Variants in FAM114A2 observed in about 807,000 individuals in gnomAD.
The protein encoded by FAM114A2 is family with sequence similarity 114 member A2.
FAM114A2 carries 53 observed loss-of-function variants against 58.4 expected under a neutral mutation model. The ratio of observed to expected loss-of-function variants is 0.91; its 90% confidence interval spans 0.73 to 1.14. FAM114A2 has a LOEUF of 1.14. Ranked by LOEUF, FAM114A2 falls within the 50% of genes most tolerant of loss-of-function variation. The probability of loss-of-function intolerance (pLI) is 0.00; values close to 1 mark genes in which losing one functional copy is unlikely to be tolerated. For missense variants in FAM114A2, 601 were observed against 581.1 expected, an observed-to-expected ratio of 1.03 and a Z score of -0.35; for synonymous variants, 228 against 211.4, an observed-to-expected ratio of 1.08 and a Z score of -0.68.
Position 154,002,864 on chromosome 5 carries a change from T to G in FAM114A2, c.1099A>C (p.Asn367His). Reference sequence around the variant, plus strand: ...TTGGCTACCTCTATTGAATTTTTGTTGACTTGCTCAGTATTTTCTGCTTCC... The same window carrying G: ...TTGGCTACCTCTATTGAATTTTTGTGGACTTGCTCAGTATTTTCTGCTTCC... ...QSEAENTEQV[N>H]KNSIEDIHAF... The change falls in exon 10 of 14, where the codon AAC (asparagine) becomes CAC (histidine). Residue 367 changes from asparagine (N) to histidine (H), a missense_variant. Transcript: ENST00000351797. The G allele has an allele frequency of 6.2e-7, 1 of 1,614,146 alleles. No individual in the cohort carries two copies. The highest frequency in any genetic ancestry group is 8.5e-7 in the Non-Finnish European group (1 of 1,179,978).
At position 153,994,972 on chromosome 5, in the gene FAM114A2, C is replaced by T. The variant is rs750485494; in HGVS notation, c.1330G>A (p.Val444Ile). Reference protein sequence around the residue: ...EFTTCLTTAGVKEMADVLNPL... With the variant: ...EFTTCLTTAGIKEMADVLNPL... ...TTAAGGACATCTGCCATTTCTTTGA[C>T]CTGGAATAACGAATACATTTTTAAG... The change falls in exon 13 of 14, where the codon GTC (valine) becomes ATC (isoleucine). Residue 444 changes from valine (V) to isoleucine (I), a missense_variant and splice_region_variant. By Grantham distance (29) the Val-to-Ile change is conservative. Coordinates refer to ENST00000351797, the MANE Select transcript of FAM114A2 (RefSeq NM_018691.4). 8 of 1,604,154 alleles carry T rather than the reference C, an allele frequency of 5.0e-6. No homozygotes were observed. Among genetic ancestry groups the T allele is most frequent in the Non-Finnish European group, 4.3e-6 (5 of 1,171,334 alleles).
At chr5:153,995,332 A>G (rs6877776) in intron 12 of FAM114A2, 107,269 of 164,864 alleles carry the variant, frequency 0.65, 35,304 homozygotes, top group East Asian at 0.87. Context: ...GTTTAGAAAA[A>G]TCTTACAAAT....
intron 8 of FAM114A2, among the ~76,000 whole-genome samples, chr5:154,015,516 G>C (rs1454886818): frequency 6.6e-6 from 1 of 152,156 alleles, no homozygotes; most frequent in Non-Finnish European, 1.5e-5. Context: ...ATCCAGAAGA[G>C]AGATAACAAT....
At chr5:154,020,762 T>TA (rs1263503449) in intron 8 of FAM114A2, among the ~76,000 whole-genome samples, 1 of 151,848 alleles carries the variant, frequency 6.6e-6, no homozygotes, top group African/African-American at 2.4e-5. Flanking sequence ...CTCCAATCAA[T>TA]AAAAAAAGAA....
rs201690165 is a variant in FAM114A2 at position 154,033,900 on chromosome 5, C to CT, written c.311-18dup. ...TGCCTTGTCCTAATGAGAAAAATAA[C>CT]TTTTTTTTTTGCTATTTGTCACCAA... On this transcript the variant is annotated splice_polypyrimidine_tract_variant and intron_variant, in intron 3 of 13. Transcript: ENST00000351797. The CT allele has an allele frequency of 4.4e-3, 6,068 of 1,382,178 alleles. No homozygotes were observed. The highest frequency in any genetic ancestry group is 5.0e-3 in the Non-Finnish European group (5,009 of 1,011,366). The allele number at this position is 1,382,178 out of a possible 1,614,324, so 85.6% of individuals were successfully genotyped here.
chr5:154,020,476 C>G (rs180964562), intron 8 of FAM114A2, among the ~76,000 whole-genome samples: 1 of 152,222 alleles, frequency 6.6e-6, no homozygotes, highest in African/African-American at 2.4e-5. Flanking sequence ...CACCACCAAT[C>G]CCACAGAAAT....
intron 9 of FAM114A2, among the ~76,000 whole-genome samples, chr5:154,008,242 A>T (rs932638550): frequency 6.6e-6 from 1 of 152,160 alleles, no homozygotes; most frequent in African/African-American, 2.4e-5. Context: ...TACCTATAAA[A>T]ACAGGTGAAT....
At chr5:154,002,114 A>G in intron 11 of FAM114A2, 137 bp downstream of exon 11, 1 of 721,358 alleles carries the variant, frequency 1.4e-6, no homozygotes, top group Non-Finnish European at 2.3e-6. Flanking sequence ...AAAAACAACC[A>G]AAATGAACAA....
chr5:154,017,144 A>T (rs1441580598), intron 8 of FAM114A2, among the ~76,000 whole-genome samples: 1 of 152,206 alleles, frequency 6.6e-6, no homozygotes, highest in Admixed American at 6.5e-5. Flanking sequence ...TTGCCAATAG[A>T]CCTAAGACAT....
intron 8 of FAM114A2, among the ~76,000 whole-genome samples, chr5:154,014,291 G>A (rs1417141781): frequency 3.3e-5 from 5 of 152,184 alleles, no homozygotes; most frequent in African/African-American, 4.8e-5. Flanking sequence ...AGATCATGGC[G>A]GACAGGAGGC....
intron 8 of FAM114A2, among the ~76,000 whole-genome samples, chr5:154,021,829 C>T (rs1441979286): frequency 2.0e-5 from 3 of 152,070 alleles, no homozygotes; most frequent in African/African-American, 4.8e-5. Context: ...AAAAAGAGCC[C>T]GCATTGCCAA....
At chr5:154,006,888 A>G (rs1770386707) in intron 9 of FAM114A2, among the ~76,000 whole-genome samples, 3 of 149,780 alleles carry the variant, frequency 2.0e-5, no homozygotes, top group African/African-American at 4.9e-5. Context: ...CCTCTGCCAC[A>G]CTGGTTCAAG....
intron 9 of FAM114A2, among the ~76,000 whole-genome samples, chr5:154,010,822 G>A (rs1770643445): frequency 6.6e-6 from 1 of 152,110 alleles, no homozygotes; most frequent in African/African-American, 2.4e-5. Flanking sequence ...TGAGTCACTG[G>A]GCTCTGGGTA....
At chr5:154,024,993 T>C in intron 8 of FAM114A2, among the ~76,000 whole-genome samples, 1 of 152,188 alleles carries the variant, frequency 6.6e-6, no homozygotes, top group South Asian at 2.1e-4. Context: ...ACAAATAAAT[T>C]AGTTGCTCTC....
At chr5:154,007,683 C>T (rs1315173732) in intron 9 of FAM114A2, among the ~76,000 whole-genome samples, 3 of 152,182 alleles carry the variant, frequency 2.0e-5, no homozygotes, top group African/African-American at 7.2e-5. Context: ...ATGATTATTT[C>T]CCTAGCACCT....
At chr5:154,014,602 G>C (rs1770904234) in intron 8 of FAM114A2, among the ~76,000 whole-genome samples, 2 of 152,142 alleles carry the variant, frequency 1.3e-5, no homozygotes, top group Admixed American at 1.3e-4. Flanking sequence ...AGTCAATTTA[G>C]AGAGCCAAGT....
intron 1 of FAM114A2, chr5:154,036,480 T>A (rs1772564694): frequency 1.3e-5 from 2 of 152,218 alleles, no homozygotes; most frequent in African/African-American, 4.8e-5. Context: ...GCTGTAGGTA[T>A]GTACTGATAT....
At position 154,026,508 on chromosome 5, in the gene FAM114A2, A is replaced by G; in HGVS notation, c.804T>C (p.Leu268=). 1 of 1,530,832 alleles carries G rather than the reference A, an allele frequency of 6.5e-7. No individual in the cohort carries two copies. The highest frequency in any genetic ancestry group is 8.8e-7 in the Non-Finnish European group (1 of 1,140,352). 94.8% of individuals were successfully genotyped at this position (1,530,832 alleles called of 1,614,324 possible). A position where few individuals can be genotyped will look rare whatever the true frequency, so the allele number is the denominator to read the frequency against. The change falls in exon 8 of 14, where the codon CTT becomes CTC. Residue 268 remains leucine (L), a synonymous_variant. Coordinates refer to ENST00000351797, the MANE Select transcript of FAM114A2 (RefSeq NM_018691.4). ...QESEIKVKSI[L]NSLSGEELET... ...CTAATTCTTCTCCACTCAGAGAATT[A>G]AGGATAGATTTCACCTGAATGGATA...
intron 12 of FAM114A2, among the ~76,000 whole-genome samples, chr5:153,996,326 G>A (rs1164635977): frequency 6.6e-6 from 1 of 152,058 alleles, no homozygotes; most frequent in Non-Finnish European, 1.5e-5. Context: ...ACATAGTACT[G>A]GAACAAACGG....
Sources: gnomAD v4.1 joint callset for allele counts (sites outside exome capture counted in the v4.1 genomes callset) on GRCh38, gnomAD v4.1.1 for gene constraint, MANE v1.5 for transcripts, NCBI Gene and HGNC (gene_info 2026-07-23, HGNC 2026-07-21) for gene names.